Variants in AHSG observed in about 807,000 individuals in gnomAD.
AHSG encodes alpha-2-HS-glycoprotein.
Under a neutral mutation model 30.1 loss-of-function variants are expected in AHSG, and 23 were observed. That is an observed-to-expected ratio of 0.76 (90% CI 0.55 to 1.08). AHSG has a LOEUF of 1.08. Among genes scored for constraint, AHSG ranks in the 50% least tolerant of loss-of-function variants. AHSG has a pLI of 0.00. For missense variants in AHSG, 469 were observed against 459.5 expected (o/e 1.02, Z -0.19); for synonymous variants, 164 against 186.3 (o/e 0.88, Z 0.98).
intron 4 of AHSG, chr3:186,617,723 C>G (rs1483541617): frequency 2.9e-6 from 1 of 350,344 alleles, no homozygotes; most frequent in Non-Finnish European, 5.5e-6. Context: ...CCACCCATCT[C>G]CGCTGAACAT....
rs377582008 is a variant in AHSG at position 186,618,640 on chromosome 3, G to A, written c.675+3G>A. On this transcript the variant is annotated splice_donor_region_variant and intron_variant, in intron 5 of 6. Coordinates refer to ENST00000411641, the MANE Select transcript of AHSG (RefSeq NM_001622.4). The stretch of plus-strand genomic sequence containing the variant: ...AGTGTAACCTGCTGGCAGAAAAGGT[G>A]AGTGGGCCGGGACCTTGGGGTGTTA... 3.7e-6 allele frequency: 6 copies of A among 1,613,720 alleles called. No individual in the cohort carries two copies. In the African/African-American group the frequency reaches 6.7e-5, roughly 18 times the overall value.
intron 3 of AHSG, among the ~76,000 whole-genome samples, 170 bp downstream of exon 3, chr3:186,616,697 G>A (rs938031876): frequency 6.6e-6 from 1 of 152,166 alleles, no homozygotes; most frequent in Non-Finnish European, 1.5e-5. Flanking sequence ...AGCTACTCTT[G>A]GCCTGGTGCG....
intron 3 of AHSG, 48 bp from the exon 4 acceptor site, chr3:186,617,139 T>A: frequency 6.3e-7 from 1 of 1,576,610 alleles, no homozygotes; most frequent in African/African-American, 1.3e-5. Flanking sequence ...GCTGGGGCCA[T>A]GCCAGGGAGA....
chr3:186,617,322 T>A lies in AHSG; in HGVS notation c.545T>A (p.Leu182Gln), dbSNP rs748939660. Residue 182 changes from leucine to glutamine, a missense_variant, in exon 4 of 7, where the codon CTG becomes CAG. Coordinates refer to ENST00000411641, the MANE Select transcript of AHSG (RefSeq NM_001622.4). ...NAQNNGSNFQ[L>Q]EEISRAQLVP... ...CAGAACAACGGCTCCAATTTTCAGCTGGAGGAAATTTCCCGGGCTCAGCTT... is the reference window on the plus strand; with the variant it reads ...CAGAACAACGGCTCCAATTTTCAGCAGGAGGAAATTTCCCGGGCTCAGCTT... 1.9e-6 allele frequency: 3 copies of A among 1,614,108 alleles called. No homozygotes were observed. The African/African-American group carries it at 4.0e-5, about 22-fold the overall frequency.
chr3:186,620,758 G>A lies in AHSG; in HGVS notation c.932G>A (p.Arg311Gln), dbSNP rs747770175. 17 of 1,614,040 alleles carry A rather than the reference G, an allele frequency of 1.1e-5. No individual in the cohort carries two copies. Among genetic ancestry groups the A allele is most frequent in the Middle Eastern group, 3.3e-4 (2 of 6,084 alleles). Residue 311 changes from arginine (R) to glutamine (Q), a missense_variant, in exon 7 of 7, where the codon CGG becomes CAG. Transcript: ENST00000411641. Reference protein sequence around the residue: ...LAAPPGHQLHRAHYDLRHTFM... With the variant: ...LAAPPGHQLHQAHYDLRHTFM... ...GCTCCTCCAGGACACCAGTTGCACCGGGCGCACTACGACCTGCGCCACACC... is the reference window on the plus strand; with the variant it reads ...GCTCCTCCAGGACACCAGTTGCACCAGGCGCACTACGACCTGCGCCACACC...
At position 186,616,247 on chromosome 3, in the gene AHSG, G is replaced by T. The variant is rs118051929; in HGVS notation, c.325-196G>T. 1.2e-4 allele frequency among the ~76,000 whole-genome samples: 19 copies of T among 152,298 alleles called. No individual in the cohort carries two copies. In the East Asian group the frequency reaches 3.7e-3, roughly 29 times the overall value. The stretch of plus-strand genomic sequence containing the variant: ...ATCATAAATAAAATTGCCATTTGAT[G>T]CCACTTGCCCTGGGGCTGATTTTTA... On this transcript the variant is annotated intron_variant, in intron 2 of 6. Coordinates refer to ENST00000411641, the MANE Select transcript of AHSG (RefSeq NM_001622.4).
At position 186,620,874 on chromosome 3, in the gene AHSG, G is replaced by A; in HGVS notation, c.1048G>A (p.Ala350Thr). 20 of 1,614,126 alleles carry A rather than the reference G, an allele frequency of 1.2e-5. No homozygotes were observed. Among genetic ancestry groups the A allele is most frequent in the Non-Finnish European group, 1.7e-5 (20 of 1,180,022 alleles). ...AGTGGTGCAGCCTAGTGTTGGTGCTGCTGCTGGGCCAGTGGTTCCTCCATG... is the reference window on the plus strand; with the variant it reads ...AGTGGTGCAGCCTAGTGTTGGTGCTACTGCTGGGCCAGTGGTTCCTCCATG... ...RTVVQPSVGAAAGPVVPPCPG... is the reference protein window; with the variant it reads ...RTVVQPSVGATAGPVVPPCPG... The change falls in exon 7 of 7, where the codon GCT (alanine) becomes ACT (threonine). Residue 350 changes from alanine to threonine, a missense_variant. Physicochemically the swap from Ala to Thr is moderately conservative, Grantham distance 58. Coordinates refer to ENST00000411641, the MANE Select transcript of AHSG (RefSeq NM_001622.4).
chr3:186,617,049 C>G (rs1326026003), intron 3 of AHSG, 138 bp from the exon 4 acceptor site: 3 of 1,491,476 alleles, frequency 2.0e-6, no homozygotes, highest in South Asian at 2.8e-5. Context: ...ATAGCAAAAG[C>G]CTTTTGAAGG....
rs1247638049 is a variant in AHSG, at chr3:186,616,930, C to A, written c.410-257C>A. Among the ~76,000 whole-genome samples the A allele has an allele frequency of 3.3e-5, 5 of 152,148 alleles. No homozygotes were observed. The East Asian group carries it at 9.6e-4, about 29-fold the overall frequency. On this transcript the variant is annotated intron_variant, in intron 3 of 6. Transcript: ENST00000411641. ...TGGGCCGAGATCGCACCACTGCACT[C>A]CAGCCTGAGTGACACAGAGTGAGAC... is the stretch of plus-strand genomic sequence containing the variant.
At position 186,617,221 on chromosome 3, in the gene AHSG, C is replaced by G; in HGVS notation, c.444C>G (p.Asp148Glu). The change falls in exon 4 of 7, where the codon GAC becomes GAG. Residue 148 changes from aspartate (D) to glutamate (E), a missense_variant. Transcript: ENST00000411641. ...SAEDVRKVCQ[D>E]CPLLAPLNDT... Reference sequence around the variant, plus strand: ...AGGACGTGCGCAAGGTGTGCCAAGACTGCCCCCTGCTGGCCCCGCTGAACG... The same window carrying G: ...AGGACGTGCGCAAGGTGTGCCAAGAGTGCCCCCTGCTGGCCCCGCTGAACG... The G allele has an allele frequency of 1.2e-6, 2 of 1,613,830 alleles. No homozygotes were observed. Among genetic ancestry groups the G allele is most frequent in the Non-Finnish European group, 8.5e-7 (1 of 1,179,976 alleles).
At position 186,621,039 on chromosome 3, in the gene AHSG, A is replaced by G; in HGVS notation, c.*109A>G. The G allele has an allele frequency of 9.8e-7, 1 of 1,022,406 alleles. No individual in the cohort carries two copies. Among genetic ancestry groups the G allele is most frequent in the Non-Finnish European group, 1.4e-6 (1 of 698,172 alleles). 63.3% of individuals were successfully genotyped at this position (1,022,406 alleles called of 1,614,324 possible). A position where few individuals can be genotyped will look rare whatever the true frequency, so the allele number is the denominator to read the frequency against. On this transcript the variant is annotated 3_prime_UTR_variant, in exon 7 of 7. Coordinates refer to ENST00000411641, the MANE Select transcript of AHSG (RefSeq NM_001622.4). ...TGTCTGCTGGCCACGCAAGTGTCACATGCGATCTACATTAATATCAAGTCT... is the reference window on the plus strand; with the variant it reads ...TGTCTGCTGGCCACGCAAGTGTCACGTGCGATCTACATTAATATCAAGTCT...
At position 186,617,346 on chromosome 3, in the gene AHSG, T is replaced by C; in HGVS notation, c.569T>C (p.Leu190Pro). 1 of 1,614,186 alleles carries C rather than the reference T, an allele frequency of 6.2e-7. No individual in the cohort carries two copies. The highest frequency in any genetic ancestry group is 1.1e-5 in the South Asian group (1 of 91,090). ...CTGGAGGAAATTTCCCGGGCTCAGC[T>C]TGTGGTAAAGACTGAGATTCTTTTG... ...FQLEEISRAQ[L>P]VPLPPSTYVE... The change falls in exon 4 of 7, where the codon CTT (leucine) becomes CCT (proline). Residue 190 changes from leucine (L) to proline (P), a missense_variant. Transcript: ENST00000411641.
At chr3:186,619,181 C>T (rs975597060) in intron 5 of AHSG, among the ~76,000 whole-genome samples, 3 of 152,116 alleles carry the variant, frequency 2.0e-5, no homozygotes, top group Admixed American at 1.3e-4. Context: ...CCTGTAGTCC[C>T]AGCTACTCGG....
intron 6 of AHSG, 117 bp downstream of exon 6, chr3:186,620,057 G>T: frequency 1.4e-6 from 1 of 695,928 alleles, no homozygotes; most frequent in Non-Finnish European, 2.3e-6. Flanking sequence ...GAATCTCACA[G>T]TATGAAATAA....
rs368604374 is a variant in AHSG, at chr3:186,620,655, G to A, written c.829G>A (p.Ala277Thr). 6.2e-7 allele frequency: 1 copy of A among 1,614,040 alleles called. No homozygotes were observed. ...AVPTPVVDPD[A>T]PPSPPLGAPG... The stretch of plus-strand genomic sequence containing the variant: ...CCCCACACCCGTGGTGGACCCAGAT[G>A]CACCTCCGTCCCCTCCACTTGGCGC... Residue 277 changes from alanine to threonine, a missense_variant, in exon 7 of 7, where the codon GCA (alanine) becomes ACA (threonine). Transcript: ENST00000411641.
chr3:186,618,320 A>G (rs1716372440), intron 4 of AHSG, among the ~76,000 whole-genome samples: 1 of 152,142 alleles, frequency 6.6e-6, no homozygotes, highest in Admixed American at 6.5e-5. Flanking sequence ...CCCCTCCTAC[A>G]AGGAAGACAC....
rs762894804 is a variant in AHSG at position 186,617,414 on chromosome 3, G to A, written c.573+64G>A. The A allele has an allele frequency of 8.1e-6, 13 of 1,613,138 alleles. No individual in the cohort carries two copies. The Admixed American group carries it at 1.7e-4, about 21-fold the overall frequency. On this transcript the variant is annotated intron_variant, in intron 4 of 6. Coordinates refer to ENST00000411641, the MANE Select transcript of AHSG (RefSeq NM_001622.4). The stretch of plus-strand genomic sequence containing the variant: ...GTGGCACTTCGGGAATGTACTGTAC[G>A]TGGTGGAGCGGGAGGCAGGGAAGAA...
At chr3:186,615,622 C>T in intron 1 of AHSG, 63 bp from the exon 2 acceptor site, 1 of 1,374,646 alleles carries the variant, frequency 7.3e-7, no homozygotes, top group South Asian at 1.2e-5. Flanking sequence ...GGGCGCATAC[C>T]GTGGACCGCA....
chr3:186,618,447 C>A (rs939508276), intron 4 of AHSG, 89 bp from the exon 5 acceptor site: 2 of 1,564,506 alleles, frequency 1.3e-6, no homozygotes, highest in Non-Finnish European at 1.7e-6. Flanking sequence ...AATGGTGCTC[C>A]CCGAAGGAGG....
Sources: gnomAD v4.1 joint callset for allele counts (sites outside exome capture counted in the v4.1 genomes callset) on GRCh38, gnomAD v4.1.1 for gene constraint, MANE v1.5 for transcripts, NCBI Gene and HGNC (gene_info 2026-07-23, HGNC 2026-07-21) for gene names.